The following LPP variants were observed in gnomAD, a reference collection of about 807,000 sequenced individuals.
LPP encodes the protein lipoma-preferred partner.
Under a neutral mutation model 60.4 loss-of-function variants are expected in LPP, and 38 were observed. The ratio of observed to expected loss-of-function variants is 0.63; its 90% CI spans 0.49 to 0.83. LPP has a LOEUF of 0.83. LPP is among the 40% of genes least tolerant of loss of function. The pLI is 0.00. For synonymous variants in LPP, 328 were observed against 290.8 expected (o/e 1.13, Z -1.30); for missense variants, 902 against 783.6 (o/e 1.15, Z -1.80).
chr3:188,826,315 A>G (rs1755471922), intron 9 of LPP, among the ~76,000 whole-genome samples: 1 of 152,182 alleles, frequency 6.6e-6, no homozygotes, highest in African/African-American at 2.4e-5. Flanking sequence ...AGGTTTCCTT[A>G]TAGGAGATCC....
intron 2 of LPP, among the ~76,000 whole-genome samples, chr3:188,304,319 G>A (rs935724049): frequency 6.6e-6 from 1 of 152,132 alleles, no homozygotes; most frequent in Non-Finnish European, 1.5e-5. Flanking sequence ...TATAGTTTAA[G>A]CCTCTTTTTT....
At position 188,344,554 on chromosome 3, in the gene LPP, G is replaced by A. The variant is rs150774787; in HGVS notation, c.-10+2835G>A. 4.5e-3 allele frequency among the ~76,000 whole-genome samples: 692 copies of A among 152,132 alleles called. 3 individuals carry two copies. Among genetic ancestry groups the A allele is most frequent in the African/African-American group, 0.015 (631 of 41,506 alleles). ...ACCAGTTGATCATGGCATTACTTCC[G>A]GTTAAATGTTCTCTTATATATGATT... On this transcript the variant is annotated intron_variant, in intron 3 of 11. Transcript: ENST00000617246.
chr3:188,658,122 A>ATTTAGTTTAGT (rs66658012), intron 7 of LPP, among the ~76,000 whole-genome samples: 1 of 4,196 alleles, frequency 2.4e-4, no homozygotes, highest in African/African-American at 3.8e-4. Context: ...TTCTGAAGTT[A>ATTTAGTTTAGT]TTAGTTTAGT....
chr3:188,199,946 C>T (rs1418244102), intron 1 of LPP, among the ~76,000 whole-genome samples: 1 of 151,926 alleles, frequency 6.6e-6, no homozygotes, highest in Non-Finnish European at 1.5e-5. Context: ...AACTCCTGAC[C>T]TCAGGTGATC....
chr3:188,406,051 A>G lies in LPP; in HGVS notation c.-9-61A>G, dbSNP rs1294488379. ...TGGATTAAGGTGAAATAGCAATGAA[A>G]TGAGGAGTATTGTCTTCGTTTTCAT... On this transcript the variant is annotated intron_variant, in intron 3 of 11. Transcript: ENST00000617246. 2.1e-6 allele frequency: 3 copies of G among 1,398,266 alleles called. No individual in the cohort carries two copies. The South Asian group carries it at 3.9e-5, about 18-fold the overall frequency. The allele number at this position is 1,398,266 out of a possible 1,614,324, so 86.6% of individuals were successfully genotyped here. A position where few individuals can be genotyped will look rare whatever the true frequency, so the allele number is the denominator to read the frequency against.
chr3:188,678,917 C>T (rs540856514), intron 7 of LPP, among the ~76,000 whole-genome samples: 87 of 152,302 alleles, frequency 5.7e-4, no homozygotes, highest in African/African-American at 1.9e-3. Context: ...GAACTGTCTC[C>T]TCACTTGAAG....
intron 2 of LPP, among the ~76,000 whole-genome samples, chr3:188,276,595 A>T (rs376700593): frequency 6.6e-6 from 1 of 151,746 alleles, no homozygotes; most frequent in Non-Finnish European, 1.5e-5. Context: ...TGACTTGGTG[A>T]TGTCTTTGTG....
intron 5 of LPP, among the ~76,000 whole-genome samples, chr3:188,517,512 T>C (rs1817692148): frequency 6.6e-6 from 1 of 152,192 alleles, no homozygotes; most frequent in Admixed American, 6.5e-5. Context: ...AGGTCCCTCA[T>C]GAATGGCTTG....
intron 6 of LPP, among the ~76,000 whole-genome samples, chr3:188,577,514 T>C (rs1834894391): frequency 2.6e-5 from 4 of 151,666 alleles, no homozygotes; most frequent in Admixed American, 6.6e-5. Flanking sequence ...CTAATGAGCC[T>C]ACTTTGCTTT....
At chr3:188,706,186 A>G (rs1031619008) in intron 7 of LPP, among the ~76,000 whole-genome samples, 34 of 152,228 alleles carry the variant, frequency 2.2e-4, no homozygotes, top group Middle Eastern at 3.2e-3. Context: ...TTGCTAATAA[A>G]TAAGTCAGTC....
Position 188,886,999 on chromosome 3 carries a change from ATT to A in LPP, c.*12522_*12523del. 2.6e-5 allele frequency: 6 copies of A among 231,380 alleles called. No homozygotes were observed. The highest frequency in any genetic ancestry group is 4.3e-5 in the Non-Finnish European group (5 of 116,952). The allele number at this position is 231,380 out of a possible 1,614,324, so 14.3% of individuals were successfully genotyped here. A position where few individuals can be genotyped will look rare whatever the true frequency, so the allele number is the denominator to read the frequency against. Reference sequence around the variant, plus strand: ...CTCTCATGCGTGATTCTCTCTTTATATTTCTATCTGTTGGGAAAAGGGTAAAG... The same window carrying A: ...CTCTCATGCGTGATTCTCTCTTTATATCTATCTGTTGGGAAAAGGGTAAAG... On this transcript the variant is annotated 3_prime_UTR_variant, in exon 12 of 12. Coordinates refer to ENST00000617246, the MANE Select transcript of LPP (RefSeq NM_001375462.1).
At chr3:188,177,049 A>G (rs1455224812) in intron 1 of LPP, among the ~76,000 whole-genome samples, 1 of 152,270 alleles carries the variant, frequency 6.6e-6, no homozygotes, top group Non-Finnish European at 1.5e-5. Flanking sequence ...GGGAAGAAGT[A>G]TAAATCTGCT....
chr3:188,384,330 A>ATG lies in LPP; in HGVS notation c.-9-21758_-9-21757dup, dbSNP rs61561622. 4.5e-3 allele frequency among the ~76,000 whole-genome samples: 674 copies of ATG among 148,882 alleles called. 4 individuals carry two copies. The highest frequency in any genetic ancestry group is 0.019 in the South Asian group (88 of 4,680). On this transcript the variant is annotated intron_variant, in intron 3 of 11. Transcript: ENST00000617246. ...TAGTTATGGTAGTGTATGTATGTGCATGTGTGTGTGTGTGTGTGTGTGTGT... is the reference window on the plus strand; with the variant it reads ...TAGTTATGGTAGTGTATGTATGTGCATGTGTGTGTGTGTGTGTGTGTGTGTGT...
At chr3:188,167,524 A>AAAACAAAACAAAAC (rs1720343379) in intron 1 of LPP, among the ~76,000 whole-genome samples, 1 of 151,800 alleles carries the variant, frequency 6.6e-6, no homozygotes, top group South Asian at 2.1e-4. Flanking sequence ...AAAACAAAAC[A>AAAACAAAACAAAAC]AAACAAAACA....
intron 4 of LPP, among the ~76,000 whole-genome samples, chr3:188,439,072 A>G (rs1793103331): frequency 1.3e-5 from 2 of 152,208 alleles, no homozygotes; most frequent in Non-Finnish European, 2.9e-5. Context: ...ACATGCAGGT[A>G]CACTAGTTTC....
rs572995612 is a variant in LPP, at chr3:188,617,143, G to GA, written c.1113+7305dup. Among the ~76,000 whole-genome samples, 22 of 152,196 alleles carry GA rather than the reference G, an allele frequency of 1.4e-4. No individual in the cohort carries two copies. The South Asian group carries it at 4.1e-3, about 29-fold the overall frequency. On this transcript the variant is annotated intron_variant, in intron 7 of 11. Transcript: ENST00000617246. Reference sequence around the variant, plus strand: ...ATACAACTTTAAAGGAAATAAGTTGGAAAAAATAAGAACCTTTCCTCTCCA... The same window carrying GA: ...ATACAACTTTAAAGGAAATAAGTTGGAAAAAAATAAGAACCTTTCCTCTCCA...
intron 7 of LPP, among the ~76,000 whole-genome samples, chr3:188,664,023 A>G (rs1375469704): frequency 6.6e-6 from 1 of 152,216 alleles, no homozygotes; most frequent in East Asian, 1.9e-4. Flanking sequence ...GACACCTGTT[A>G]CAGAATTTAT....
intron 2 of LPP, among the ~76,000 whole-genome samples, chr3:188,334,227 T>A (rs944725788): frequency 1.3e-5 from 2 of 152,204 alleles, no homozygotes; most frequent in African/African-American, 4.8e-5. Context: ...TGAATAGTAT[T>A]ACATTGTAAA....
At chr3:188,547,848 C>A (rs1311147393) in intron 6 of LPP, among the ~76,000 whole-genome samples, 1 of 152,132 alleles carries the variant, frequency 6.6e-6, no homozygotes, top group African/African-American at 2.4e-5. Context: ...TTGAGGTGTT[C>A]TGACTGAAAT....
Sources: gnomAD v4.1 joint callset for allele counts (sites outside exome capture counted in the v4.1 genomes callset) on GRCh38, gnomAD v4.1.1 for gene constraint, MANE v1.5 for transcripts, NCBI Gene and HGNC (gene_info 2026-07-23, HGNC 2026-07-21) for gene names.